Variants in MTUS2 observed in about 807,000 individuals in gnomAD.
MTUS2 encodes microtubule-associated tumor suppressor candidate 2.
MTUS2 carries 40 observed loss-of-function variants against 114.1 expected under a neutral mutation model. The observed-to-expected ratio is 0.35, with a 90% CI of 0.27 to 0.46. MTUS2 has a LOEUF of 0.46. MTUS2 is among the 20% of genes least tolerant of loss of function. The probability of loss-of-function intolerance (pLI) is 1.00; values close to 1 mark genes in which losing one functional copy is unlikely to be tolerated. For missense variants in MTUS2, 1,679 were observed against 1,705.4 expected, an observed-to-expected ratio of 0.98 and a Z score of 0.27; for synonymous variants, 688 against 672.0, an observed-to-expected ratio of 1.02 and a Z score of -0.37.
chr13:29,184,116 A>T (rs183067556), intron 5 of MTUS2, among the ~76,000 whole-genome samples: 23 of 152,378 alleles, frequency 1.5e-4, no homozygotes, highest in Admixed American at 5.9e-4. Flanking sequence ...GGTATTGTGC[A>T]TATCATTATC....
chr13:29,444,142 G>T (rs1285520871), intron 9 of MTUS2, among the ~76,000 whole-genome samples: 2 of 152,190 alleles, frequency 1.3e-5, no homozygotes, highest in African/African-American at 4.8e-5. Context: ...TTAGCATCTG[G>T]ACTGAGCACA....
At chr13:29,073,090 A>G (rs1244716605) in intron 4 of MTUS2, among the ~76,000 whole-genome samples, 1 of 152,126 alleles carries the variant, frequency 6.6e-6, no homozygotes, top group Admixed American at 6.5e-5. Flanking sequence ...AAAAGATGTC[A>G]CTAGATATTT....
At chr13:29,072,418 G>GTT (rs1888983239) in intron 4 of MTUS2, among the ~76,000 whole-genome samples, 1 of 152,132 alleles carries the variant, frequency 6.6e-6, no homozygotes, top group South Asian at 2.1e-4. Flanking sequence ...TCCAGTCAAT[G>GTT]TTGTTGACCA....
intron 5 of MTUS2, among the ~76,000 whole-genome samples, chr13:29,220,589 A>G (rs190216407): frequency 3.0e-4 from 45 of 152,326 alleles, no homozygotes; most frequent in African/African-American, 9.9e-4. Context: ...GAGCCTGTCA[A>G]TGGATCAGTC....
chr13:28,979,321 T>C (rs2138287225), intron 2 of MTUS2, among the ~76,000 whole-genome samples: 1 of 152,346 alleles, frequency 6.6e-6, no homozygotes, highest in South Asian at 2.1e-4. Flanking sequence ...TTAGAGCTGC[T>C]CTATTATTTT....
intron 7 of MTUS2, among the ~76,000 whole-genome samples, chr13:29,332,098 C>A (rs1190081752): frequency 1.3e-5 from 2 of 152,134 alleles, no homozygotes; most frequent in Non-Finnish European, 2.9e-5. Flanking sequence ...AGGAGTCCTT[C>A]TTTTTCTGTT....
chr13:29,298,125 C>T (rs1899030736), intron 6 of MTUS2, among the ~76,000 whole-genome samples: 2 of 152,182 alleles, frequency 1.3e-5, no homozygotes, highest in Non-Finnish European at 2.9e-5. Flanking sequence ...TAGGAAAATA[C>T]TTGCAGCTGC....
intron 5 of MTUS2, among the ~76,000 whole-genome samples, chr13:29,122,575 G>T (rs1891356452): frequency 6.6e-6 from 1 of 152,176 alleles, no homozygotes; most frequent in Non-Finnish European, 1.5e-5. Flanking sequence ...TGTGGGAATT[G>T]TGGGAACTAC....
chr13:29,164,718 G>A (rs1326826417), intron 5 of MTUS2, among the ~76,000 whole-genome samples: 1 of 152,030 alleles, frequency 6.6e-6, no homozygotes, highest in African/African-American at 2.4e-5. Flanking sequence ...TTTCAAGGAA[G>A]AAAAATGGTG....
chr13:29,362,819 G>T (rs1210184004), intron 8 of MTUS2, among the ~76,000 whole-genome samples: 1 of 152,188 alleles, frequency 6.6e-6, no homozygotes, highest in African/African-American at 2.4e-5. Flanking sequence ...CACCACTAGA[G>T]AAAAAGAATT....
intron 9 of MTUS2, among the ~76,000 whole-genome samples, chr13:29,460,876 T>A (rs1339597673): frequency 6.6e-6 from 1 of 151,378 alleles, no homozygotes; most frequent in Non-Finnish European, 1.5e-5. Flanking sequence ...TTCCACTCCT[T>A]GAAGGAAAGT....
At position 28,991,005 on chromosome 13, in the gene MTUS2, C is replaced by T. The variant is rs1185507110; in HGVS notation, c.-242-33452C>T. Among the ~76,000 whole-genome samples the T allele has an allele frequency of 2.0e-5, 3 of 152,142 alleles. No individual in the cohort carries two copies. In the East Asian group the frequency reaches 5.8e-4, roughly 29 times the overall value. On this transcript the variant is annotated intron_variant, in intron 2 of 15. Transcript: ENST00000612955. The stretch of plus-strand genomic sequence containing the variant: ...TCTTGAAGTCAGCGAGACCAACAAC[C>T]CACCAGAAGGAATAAATTCCGGACA...
intron 4 of MTUS2, among the ~76,000 whole-genome samples, chr13:29,035,066 A>C (rs1468878171): frequency 2.6e-5 from 4 of 152,202 alleles, no homozygotes. Flanking sequence ...AGGCAGATCA[A>C]ATTCTTCTGA....
chr13:29,111,440 G>A (rs192609092), intron 5 of MTUS2, among the ~76,000 whole-genome samples: 1 of 152,264 alleles, frequency 6.6e-6, no homozygotes, highest in Admixed American at 6.5e-5. Context: ...TCCAGTACCA[G>A]AACAAAGATG....
chr13:28,981,305 A>G (rs903642528), intron 2 of MTUS2, among the ~76,000 whole-genome samples: 1 of 152,240 alleles, frequency 6.6e-6, no homozygotes, highest in Admixed American at 6.5e-5. Context: ...ACAGTCTCAA[A>G]TGCTACATAT....
chr13:29,025,005 A>C lies in MTUS2; in HGVS notation c.307A>C (p.Thr103Pro), dbSNP rs539875784. The C allele has an allele frequency of 1.2e-6, 2 of 1,613,838 alleles. No homozygotes were observed. The highest frequency in any genetic ancestry group is 2.7e-5 in the African/African-American group (2 of 74,934). The change falls in exon 3 of 16, where the codon ACC (threonine) becomes CCC (proline). Residue 103 changes from threonine to proline, a missense_variant. Physicochemically the swap from Thr to Pro is conservative, Grantham distance 38. Around this residue, in one of 3 missense-constraint regions of MTUS2, gnomAD observed 843 missense variants for 770.8 expected, o/e 1.09. Coordinates refer to ENST00000612955, the MANE Select transcript of MTUS2 (RefSeq NM_001033602.4). The part of the protein sequence containing the change: ...ASLKDFRLSS[T>P]IQRELNEEHT... ...CCTGAAAGATTTTAGACTTTCTTCAACCATTCAGAGGGAACTCAATGAAGA... is the reference window on the plus strand; with the variant it reads ...CCTGAAAGATTTTAGACTTTCTTCACCCATTCAGAGGGAACTCAATGAAGA...
chr13:29,045,081 C>A (rs931787696), intron 4 of MTUS2, among the ~76,000 whole-genome samples: 1 of 152,212 alleles, frequency 6.6e-6, no homozygotes, highest in African/African-American at 2.4e-5. Flanking sequence ...GAAAACTCTG[C>A]TTTTAATAAA....
chr13:28,857,673 T>G (rs1876721592), intron 2 of MTUS2, among the ~76,000 whole-genome samples: 1 of 152,224 alleles, frequency 6.6e-6, no homozygotes, highest in Admixed American at 6.5e-5. Context: ...AAGGACATGT[T>G]AATGGAACTT....
chr13:29,090,017 G>C (rs1397079513), intron 4 of MTUS2, among the ~76,000 whole-genome samples: 3 of 152,156 alleles, frequency 2.0e-5, no homozygotes, highest in African/African-American at 4.8e-5. Context: ...TGGCTTTTAT[G>C]GTTGCCAGAA....
Sources: allele counts gnomAD v4.1 joint callset (sites outside exome capture counted in the v4.1 genomes callset), GRCh38; gene constraint gnomAD v4.1.1; regional missense constraint gnomAD v4.1.1; transcripts MANE v1.5; gene names NCBI Gene and HGNC (gene_info 2026-07-23, HGNC 2026-07-21).